Variants in NOS3 observed in about 807,000 individuals in gnomAD.
NOS3 encodes nitric oxide synthase 3.
Under a neutral mutation model 144.9 loss-of-function variants are expected in NOS3, and 98 were observed. The observed-to-expected ratio is 0.68, with a 90% CI of 0.57 to 0.80. NOS3 has a LOEUF of 0.80. Among genes scored for constraint, NOS3 ranks in the 30% least tolerant of loss-of-function variants. NOS3 has a pLI of 0.00. For synonymous variants in NOS3, 714 were observed against 702.4 expected (o/e 1.02, Z -0.26); for missense variants, 1,465 against 1,656.4 (o/e 0.88, Z 2.01).
chr7:151,005,906 T>C (rs919559613), intron 14 of NOS3, among the ~76,000 whole-genome samples: 4 of 152,196 alleles, frequency 2.6e-5, no homozygotes, highest in Admixed American at 6.5e-5. Flanking sequence ...CACGCACCTA[T>C]AGATCTAGCT....
chr7:151,006,594 G>T, intron 15 of NOS3, 100 bp downstream of exon 15: 1 of 1,058,724 alleles, frequency 9.4e-7, no homozygotes, highest in Non-Finnish European at 1.4e-6. Context: ...GCCTCAAGTC[G>T]TTTTCCCACC....
intron 14 of NOS3, among the ~76,000 whole-genome samples, chr7:151,005,515 A>G (rs1194576922): frequency 6.6e-6 from 1 of 152,182 alleles, no homozygotes; most frequent in Non-Finnish European, 1.5e-5. Context: ...GAAATCCACT[A>G]AAACAGGAAA....
Position 150,993,456 on chromosome 7 carries a change from C to T in NOS3, c.-51-297C>T, listed in dbSNP as rs886386477. ...GTCTGGTGCCACATCACAGAAGGAC[C>T]TTTATGACCCCCTGGTGGCTCTACC... On this transcript the variant is annotated intron_variant, in intron 1 of 26. Coordinates refer to ENST00000297494, the MANE Select transcript of NOS3 (RefSeq NM_000603.5). This position sits in a 1 kb window ranked among gnomAD's most constrained non-coding sequence, Gnocchi z 4.0. 3.3e-5 allele frequency among the ~76,000 whole-genome samples: 5 copies of T among 152,168 alleles called. No homozygotes were observed. The highest frequency in any genetic ancestry group is 1.2e-4 in the African/African-American group (5 of 41,452).
At position 150,998,256 on chromosome 7, in the gene NOS3, C is replaced by T; in HGVS notation, c.583-101C>T. 1 of 1,042,962 alleles carries T rather than the reference C, an allele frequency of 9.6e-7. No individual in the cohort carries two copies. Among genetic ancestry groups the T allele is most frequent in the Admixed American group, 2.1e-5 (1 of 47,904 alleles). 64.6% of individuals were successfully genotyped at this position (1,042,962 alleles called of 1,614,324 possible). A position where few individuals can be genotyped will look rare whatever the true frequency, so the allele number is the denominator to read the frequency against. The stretch of plus-strand genomic sequence containing the variant: ...GGTCAGGAGGGCGCCATGGAGTGAA[C>T]CATGGCCCCTGCCTCCTCACCAGCA... On this transcript the variant is annotated intron_variant, in intron 5 of 26. Transcript: ENST00000297494. This position sits in a 1 kb window ranked among gnomAD's most constrained non-coding sequence, Gnocchi z 5.0.
In NOS3 at chr7:151,002,593, G is replaced by A. The variant is rs571977408; in HGVS notation, c.1752+289G>A. On this transcript the variant is annotated intron_variant, in intron 14 of 26. Coordinates refer to ENST00000297494, the MANE Select transcript of NOS3 (RefSeq NM_000603.5). This position sits in a 1 kb window ranked among gnomAD's most constrained non-coding sequence, Gnocchi z 4.1. ...CGTCCCCAAGTCATTTCCATTATCA[G>A]TGCAAGTTTTTAATACAAGGAAGGC... Among the ~76,000 whole-genome samples, 1 of 152,290 alleles carries A rather than the reference G, an allele frequency of 6.6e-6. No individual in the cohort carries two copies. Among genetic ancestry groups the A allele is most frequent in the African/African-American group, 2.4e-5 (1 of 41,556 alleles).
At position 151,001,299 on chromosome 7, in the gene NOS3, G is replaced by A. The variant is rs1795088809; in HGVS notation, c.1302G>A (p.Glu434=). 1.9e-6 allele frequency: 3 copies of A among 1,613,702 alleles called. No individual in the cohort carries two copies. The African/African-American group carries it at 4.0e-5, about 22-fold the overall frequency. ...TASFMKHLEN[E]QKARGGCPAD... is the part of the protein sequence containing the mutation. Reference sequence around the variant, plus strand: ...CTTTCATGAAGCACCTGGAGAATGAGCAGAAGGCCAGGGGGGGCTGCCCTG... The same window carrying A: ...CTTTCATGAAGCACCTGGAGAATGAACAGAAGGCCAGGGGGGGCTGCCCTG... The change falls in exon 11 of 27, where the codon GAG becomes GAA. Residue 434 remains glutamate, a synonymous_variant. Transcript: ENST00000297494.
At chr7:151,010,408 A>T in intron 21 of NOS3, 121 bp downstream of exon 21, 2 of 1,084,252 alleles carry the variant, frequency 1.8e-6, no homozygotes, top group Non-Finnish European at 2.6e-6. Context: ...GCCGACATGC[A>T]CTGGTGCTTT....
chr7:150,998,454 T>C lies in NOS3; in HGVS notation c.674+6T>C, dbSNP rs1802485498. 2 of 1,612,090 alleles carry C rather than the reference T, an allele frequency of 1.2e-6. No homozygotes were observed. The highest frequency in any genetic ancestry group is 1.7e-6 in the Non-Finnish European group (2 of 1,179,696). ...ACCAACCGGGGCAACCTTCGGTGAG[T>C]GCCCCCCACCATGCCAGGCCCCAGC... On this transcript the variant is annotated splice_donor_region_variant and intron_variant, in intron 6 of 26. Coordinates refer to ENST00000297494, the MANE Select transcript of NOS3 (RefSeq NM_000603.5). The surrounding 1 kb of genome is among the most constrained non-coding windows in gnomAD (Gnocchi z 5.0).
At chr7:150,996,974 C>T (rs546592307) in intron 5 of NOS3, 49 bp downstream of exon 5, 3 of 1,518,952 alleles carry the variant, frequency 2.0e-6, no homozygotes, top group East Asian at 2.5e-5. Flanking sequence ...AAAAGGGGAG[C>T]GGGGTGGCGG....
intron 21 of NOS3, 129 bp from the exon 22 acceptor site, chr7:151,010,468 A>G: frequency 1.8e-6 from 2 of 1,127,992 alleles, no homozygotes; most frequent in Non-Finnish European, 2.5e-6. Flanking sequence ...TCCAGGTCTT[A>G]GAGAAAACTC....
rs748219210 is a variant in NOS3 at position 150,998,666 on chromosome 7, G to A, written c.802G>A (p.Val268Met). The A allele has an allele frequency of 1.7e-5, 27 of 1,607,368 alleles. No individual in the cohort carries two copies. Among genetic ancestry groups the A allele is most frequent in the Non-Finnish European group, 2.2e-5 (26 of 1,178,322 alleles). The change falls in exon 7 of 27, where the codon GTG (valine) becomes ATG (methionine). Residue 268 changes from valine (V) to methionine (M), a missense_variant. By Grantham distance (21) the Val-to-Met change is conservative. Around this residue, in one of 5 missense-constraint regions of NOS3, gnomAD observed 374 missense variants for 377.0 expected, o/e 0.99. Transcript: ENST00000297494. This position sits in a 1 kb window ranked among gnomAD's most constrained non-coding sequence, Gnocchi z 5.0. ...CTCTGTGCGGGGGGACCCAGCCAAC[G>A]TGGAGATCACCGAGGTGGGCACCGA... ...DGSVRGDPANVEITELCIQHG... is the reference protein window; with the variant it reads ...DGSVRGDPANMEITELCIQHG...
Position 151,013,281 on chromosome 7 carries a change from C to G in NOS3, c.3157C>G (p.Leu1053Val), listed in dbSNP as rs1207037422. The G allele has an allele frequency of 6.2e-7, 1 of 1,614,110 alleles. No homozygotes were observed. ...TLVFGCRCSQLDHLYRDEVQN... is the reference protein window; with the variant it reads ...TLVFGCRCSQVDHLYRDEVQN... ...GGTGTTCGGCTGCCGATGCTCCCAA[C>G]TTGACCATCTCTACCGCGACGAGGT... The change falls in exon 25 of 27, where the codon CTT becomes GTT. Residue 1053 changes from leucine (L) to valine (V), a missense_variant. By Grantham distance (32) the Leu-to-Val change is conservative. This residue lies in a region of NOS3 where 228 missense variants were observed against 227.7 expected (regional missense o/e 1.00). Coordinates refer to ENST00000297494, the MANE Select transcript of NOS3 (RefSeq NM_000603.5).
At position 150,993,696 on chromosome 7, in the gene NOS3, G is replaced by C. The variant is rs548514235; in HGVS notation, c.-51-57G>C. 1 of 1,145,544 alleles carries C rather than the reference G, an allele frequency of 8.7e-7. No homozygotes were observed. Among genetic ancestry groups the C allele is most frequent in the African/African-American group, 1.6e-5 (1 of 63,646 alleles). 71.0% of individuals were successfully genotyped at this position (1,145,544 alleles called of 1,614,324 possible). ...TGGGATAGGGGCGGGGCGAGGGCCA[G>C]CACTGGAGAGCCCCCTCCCACTGCC... On this transcript the variant is annotated intron_variant, in intron 1 of 26. Coordinates refer to ENST00000297494, the MANE Select transcript of NOS3 (RefSeq NM_000603.5). The surrounding 1 kb of genome is among the most constrained non-coding windows in gnomAD (Gnocchi z 4.0).
Position 151,014,171 on chromosome 7 carries a change from A to G in NOS3, c.*2A>G. 6.3e-7 allele frequency: 1 copy of G among 1,596,706 alleles called. No homozygotes were observed. Among genetic ancestry groups the G allele is most frequent in the Non-Finnish European group, 8.6e-7 (1 of 1,168,268 alleles). On this transcript the variant is annotated 3_prime_UTR_variant, in exon 27 of 27. Transcript: ENST00000297494. ...GGCTCAGACACCAACAGCCCCTGAGAGCCGCCTGGCTTTCCCTTCCAGTTC... is the reference window on the plus strand; with the variant it reads ...GGCTCAGACACCAACAGCCCCTGAGGGCCGCCTGGCTTTCCCTTCCAGTTC...
At chr7:151,013,115 TG>T in intron 24 of NOS3, 115 bp from the exon 25 acceptor site, 2 of 1,086,198 alleles carry the variant, frequency 1.8e-6, no homozygotes, top group Non-Finnish European at 2.7e-6. Flanking sequence ...GCCAAAGTAA[TG>T]GTGGTTTCAG....
chr7:151,013,145 C>T (rs1795343184), intron 24 of NOS3, 86 bp from the exon 25 acceptor site: 1 of 1,462,826 alleles, frequency 6.8e-7, no homozygotes, highest in Admixed American at 2.0e-5. Context: ...GCTGGGCTGC[C>T]AGGCTGGGCG....
chr7:151,000,697 A>G, intron 10 of NOS3, 98 bp downstream of exon 10: 1 of 788,440 alleles, frequency 1.3e-6, no homozygotes, highest in South Asian at 1.5e-5. Context: ...AAACTAGGGC[A>G]GGATTTGGAC....
Position 151,002,239 on chromosome 7 carries a change from C to A in NOS3, c.1687C>A (p.His563Asn). The part of the protein sequence containing the change: ...MDEYDVVSLE[H>N]ETLVLVVTST... ...TGAGTATGACGTGGTGTCCCTCGAA[C>A]ACGAGACGCTGGTGCTGGTGGTAAC... is the stretch of plus-strand genomic sequence containing the variant. The change falls in exon 14 of 27, where the codon CAC (histidine) becomes AAC (asparagine). Residue 563 changes from histidine to asparagine, a missense_variant. His to Asn is a moderately conservative substitution (Grantham distance 68, BLOSUM62 1). Coordinates refer to ENST00000297494, the MANE Select transcript of NOS3 (RefSeq NM_000603.5). The surrounding 1 kb of genome is among the most constrained non-coding windows in gnomAD (Gnocchi z 4.1). 6.2e-7 allele frequency: 1 copy of A among 1,601,722 alleles called. No individual in the cohort carries two copies. Among genetic ancestry groups the A allele is most frequent in the Non-Finnish European group, 8.5e-7 (1 of 1,174,120 alleles).
intron 23 of NOS3, 66 bp downstream of exon 23, chr7:151,011,052 G>A: frequency 4.5e-6 from 5 of 1,119,876 alleles, no homozygotes; most frequent in Non-Finnish European, 6.7e-6. Flanking sequence ...GGTGAGGAGT[G>A]TCACTGGTGA....
Sources: allele counts gnomAD v4.1 joint callset (sites outside exome capture counted in the v4.1 genomes callset), GRCh38; gene constraint gnomAD v4.1.1; regional missense constraint gnomAD v4.1.1; non-coding constraint Gnocchi (gnomAD v3.1); transcripts MANE v1.5; gene names NCBI Gene and HGNC (gene_info 2026-07-23, HGNC 2026-07-21).